Variants in RNGTT observed in about 807,000 individuals in gnomAD.
RNGTT encodes the protein mRNA-capping enzyme.
RNGTT carries 33 observed loss-of-function variants against 79.3 expected under a neutral mutation model. That is an observed-to-expected ratio of 0.42 (90% CI 0.32 to 0.56). RNGTT has a LOEUF of 0.56. Ranked by LOEUF, RNGTT falls within the 20% of genes least tolerant of loss-of-function variation. The probability of loss-of-function intolerance (pLI) is 0.17; values close to 1 mark genes in which losing one functional copy is unlikely to be tolerated. For missense variants in RNGTT, 497 were observed against 739.1 expected, an observed-to-expected ratio of 0.67 and a Z score of 3.80; for synonymous variants, 222 against 235.9, an observed-to-expected ratio of 0.94 and a Z score of 0.54.
intron 11 of RNGTT, among the ~76,000 whole-genome samples, chr6:88,833,725 G>A (rs1780960827): frequency 6.6e-6 from 1 of 152,060 alleles, no homozygotes; most frequent in South Asian, 2.1e-4. Flanking sequence ...TTATTTTGGA[G>A]GCCAATAACA....
At chr6:88,681,223 C>T (rs1434862411) in intron 13 of RNGTT, among the ~76,000 whole-genome samples, 1 of 152,122 alleles carries the variant, frequency 6.6e-6, no homozygotes, top group Non-Finnish European at 1.5e-5. Flanking sequence ...ATCAATATGC[C>T]TCTAAATTAC....
intron 2 of RNGTT, among the ~76,000 whole-genome samples, chr6:88,931,187 TAAAAAA>T (rs34070183): frequency 9.8e-6 from 1 of 101,938 alleles, no homozygotes; most frequent in Non-Finnish European, 1.9e-5. Flanking sequence ...TATAAAGCTG[TAAAAAA>T]AAAAAAAAAA....
intron 14 of RNGTT, among the ~76,000 whole-genome samples, chr6:88,664,468 T>C (rs2127783377): frequency 6.6e-6 from 1 of 152,190 alleles, no homozygotes; most frequent in African/African-American, 2.4e-5. Context: ...CAAGTGTTTG[T>C]AAATACAGAT....
rs754371694 is a variant in RNGTT at position 88,678,344 on chromosome 6, C to A, written c.1506+9G>T. 6.3e-7 allele frequency: 1 copy of A among 1,585,658 alleles called. No individual in the cohort carries two copies. The highest frequency in any genetic ancestry group is 1.3e-5 in the African/African-American group (1 of 74,258). ...CCAGGAAAAGTACACTGAAAATGAA[C>A]AAACATACCTTGATTTGTGCAAAGG... On this transcript the variant is annotated intron_variant, in intron 14 of 15. Coordinates refer to ENST00000369485, the MANE Select transcript of RNGTT (RefSeq NM_003800.5).
At chr6:88,904,641 T>C in intron 6 of RNGTT, 74 bp downstream of exon 6, 1 of 1,452,830 alleles carries the variant, frequency 6.9e-7, no homozygotes, top group African/African-American at 1.4e-5. Context: ...TGGCCAATAT[T>C]CCATTTTTAT....
Position 88,679,600 on chromosome 6 carries a change from T to C in RNGTT, c.1440-1181A>G, listed in dbSNP as rs897248482. 3.9e-5 allele frequency among the ~76,000 whole-genome samples: 6 copies of C among 152,236 alleles called. No individual in the cohort carries two copies. The South Asian group carries it at 1.0e-3, about 26-fold the overall frequency. On this transcript the variant is annotated intron_variant, in intron 13 of 15. Transcript: ENST00000369485. ...TAATATAAAAAAATGGTAATGGTTA[T>C]GGTCTCTGCATTATCCCTTCCTTCT... is the stretch of plus-strand genomic sequence containing the variant.
intron 14 of RNGTT, among the ~76,000 whole-genome samples, chr6:88,621,278 T>C (rs1772434867): frequency 1.3e-5 from 2 of 152,164 alleles, no homozygotes; most frequent in South Asian, 4.1e-4. Context: ...AGAATTTCTA[T>C]GAAGTTAATT....
chr6:88,679,016 G>A (rs529652343), intron 13 of RNGTT, among the ~76,000 whole-genome samples: 12 of 151,976 alleles, frequency 7.9e-5, no homozygotes, highest in South Asian at 6.2e-4. Flanking sequence ...CTGCCACCAC[G>A]GAGACAGCAA....
chr6:88,811,464 T>C (rs1027791405), intron 11 of RNGTT, among the ~76,000 whole-genome samples: 1 of 151,862 alleles, frequency 6.6e-6, no homozygotes, highest in Admixed American at 6.5e-5. Context: ...TCTGAGTTGA[T>C]GTTTTATGTC....
chr6:88,619,707 C>G (rs1286880856), intron 14 of RNGTT, among the ~76,000 whole-genome samples: 1 of 152,050 alleles, frequency 6.6e-6, no homozygotes, highest in African/African-American at 2.4e-5. Flanking sequence ...ATAATTCTAC[C>G]TTTTGATAAT....
At chr6:88,761,124 A>G (rs1156537324) in intron 13 of RNGTT, among the ~76,000 whole-genome samples, 4 of 152,020 alleles carry the variant, frequency 2.6e-5, no homozygotes, top group East Asian at 3.9e-4. Context: ...TCAATTCTAT[A>G]TATTCCATTC....
intron 13 of RNGTT, among the ~76,000 whole-genome samples, chr6:88,739,754 TATATATATATATATATATATATATGTTA>T (rs1366226224): frequency 1.7e-5 from 1 of 59,906 alleles, no homozygotes; most frequent in Non-Finnish European, 4.2e-5. Flanking sequence ...TATATATATA[TATATATATATATATATATATATATGTTA>T]ACACATGCTC....
intron 5 of RNGTT, 113 bp from the exon 6 acceptor site, chr6:88,905,068 A>G (rs2127942761): frequency 1.5e-6 from 2 of 1,304,178 alleles, no homozygotes; most frequent in East Asian, 4.6e-5. Context: ...GAAGTTTATA[A>G]AATGGGCAAA....
At chr6:88,805,785 A>G (rs1779934268) in intron 11 of RNGTT, among the ~76,000 whole-genome samples, 1 of 152,206 alleles carries the variant, frequency 6.6e-6, no homozygotes, top group Non-Finnish European at 1.5e-5. Context: ...ATATGGGGAA[A>G]AGTACTAGAA....
intron 13 of RNGTT, among the ~76,000 whole-genome samples, chr6:88,708,244 T>C (rs1776205824): frequency 6.6e-6 from 1 of 152,134 alleles, no homozygotes; most frequent in East Asian, 1.9e-4. Flanking sequence ...CTCTTTTCCA[T>C]GCCACAGGTG....
At chr6:88,937,109 G>A (rs1021210602) in intron 2 of RNGTT, among the ~76,000 whole-genome samples, 1 of 152,146 alleles carries the variant, frequency 6.6e-6, no homozygotes, top group South Asian at 2.1e-4. Flanking sequence ...TTAAGAGGCC[G>A]AAGCGGGCAG....
At chr6:88,750,358 G>T (rs750682800) in intron 13 of RNGTT, among the ~76,000 whole-genome samples, 1 of 152,078 alleles carries the variant, frequency 6.6e-6, no homozygotes, top group East Asian at 1.9e-4. Context: ...GCAATATAAT[G>T]CAAGTTTGAA....
Position 88,890,604 on chromosome 6 carries a change from A to C in RNGTT, c.795-8T>G. On this transcript the variant is annotated splice_region_variant and splice_polypyrimidine_tract_variant and intron_variant, in intron 7 of 15. Transcript: ENST00000369485. ...GCTCCAGGGAATCCAGACCTTAAAGAAGAACACAGTATTACTATCGTGGCT... is the reference window on the plus strand; with the variant it reads ...GCTCCAGGGAATCCAGACCTTAAAGCAGAACACAGTATTACTATCGTGGCT... 6.3e-7 allele frequency: 1 copy of C among 1,594,926 alleles called. No individual in the cohort carries two copies. The highest frequency in any genetic ancestry group is 1.1e-5 in the South Asian group (1 of 90,306).
At chr6:88,842,258 A>G (rs778693993) in intron 11 of RNGTT, among the ~76,000 whole-genome samples, 10 of 152,190 alleles carry the variant, frequency 6.6e-5, no homozygotes, top group African/African-American at 2.2e-4. Flanking sequence ...GAATCTCACC[A>G]AAAGCACAAA....
Sources: gnomAD v4.1 joint callset for allele counts (sites outside exome capture counted in the v4.1 genomes callset) on GRCh38, gnomAD v4.1.1 for gene constraint, MANE v1.5 for transcripts, NCBI Gene and HGNC (gene_info 2026-07-23, HGNC 2026-07-21) for gene names.